LRFN5: variants seen among roughly 807,000 people sequenced by gnomAD.
LRFN5 encodes the protein leucine-rich repeat and fibronectin type-III domain-containing protein 5.
A neutral mutation model predicts 45.6 loss-of-function variants in LRFN5; 24 were observed. The observed-to-expected ratio is 0.53, with a 90% CI of 0.38 to 0.74. The LOEUF (loss-of-function observed/expected upper bound fraction) is 0.74. Ranked by LOEUF, LRFN5 falls within the 30% of genes least tolerant of loss-of-function variation. The probability of loss-of-function intolerance (pLI) is 0.00; values close to 1 mark genes in which losing one functional copy is unlikely to be tolerated. For missense variants in LRFN5, 776 were observed against 861.5 expected (o/e 0.90, Z 1.24); for synonymous variants, 340 against 313.8 (o/e 1.08, Z -0.88).
At chr14:41,854,918 T>C (rs1178942470) in intron 2 of LRFN5, among the ~76,000 whole-genome samples, 1 of 152,208 alleles carries the variant, frequency 6.6e-6, no homozygotes, top group Non-Finnish European at 1.5e-5. Context: ...TATATGTATC[T>C]ATGGCATGAG....
intron 1 of LRFN5, among the ~76,000 whole-genome samples, chr14:41,731,179 A>T (rs1338614385): frequency 6.6e-6 from 1 of 151,746 alleles, no homozygotes; most frequent in Non-Finnish European, 1.5e-5. Flanking sequence ...GGTCTTCGTC[A>T]CTCTATTTTC....
chr14:41,698,153 C>G (rs984272116), intron 1 of LRFN5, among the ~76,000 whole-genome samples: 2 of 151,880 alleles, frequency 1.3e-5, no homozygotes, highest in Non-Finnish European at 2.9e-5. Context: ...CAACAAATTC[C>G]TATAAAAATA....
intron 2 of LRFN5, among the ~76,000 whole-genome samples, chr14:41,807,955 C>A (rs1202477097): frequency 6.6e-6 from 1 of 151,782 alleles, no homozygotes; most frequent in Non-Finnish European, 1.5e-5. Flanking sequence ...CTAGTCCTGA[C>A]CCTCAGTCAA....
intron 2 of LRFN5, among the ~76,000 whole-genome samples, chr14:41,819,030 A>G (rs1014102559): frequency 4.6e-5 from 7 of 152,302 alleles, no homozygotes; most frequent in Middle Eastern, 3.4e-3. Flanking sequence ...TTAAGATAAT[A>G]GCCTCCAGTT....
chr14:41,629,013 A>G (rs1888444104), intron 1 of LRFN5, among the ~76,000 whole-genome samples: 1 of 152,196 alleles, frequency 6.6e-6, no homozygotes, highest in South Asian at 2.1e-4. Flanking sequence ...GGTTAGATTC[A>G]TCACCAGCTG....
chr14:41,728,629 A>G (rs147895603), intron 1 of LRFN5, among the ~76,000 whole-genome samples: 114 of 152,292 alleles, frequency 7.5e-4, no homozygotes, highest in African/African-American at 2.5e-3. Flanking sequence ...CAATTCATCT[A>G]ACTTTCTCTC....
At chr14:41,749,000 G>A (rs80177495) in intron 1 of LRFN5, among the ~76,000 whole-genome samples, 1 of 151,864 alleles carries the variant, frequency 6.6e-6, no homozygotes, top group African/African-American at 2.4e-5. Context: ...ATGATAGAAG[G>A]GCTGAAGGTG....
At chr14:41,674,228 G>T (rs1441405898) in intron 1 of LRFN5, among the ~76,000 whole-genome samples, 5 of 136,398 alleles carry the variant, frequency 3.7e-5, no homozygotes, top group East Asian at 2.4e-4. Flanking sequence ...CCTCCCGGAC[G>T]GGGCGGCTGG....
intron 2 of LRFN5, among the ~76,000 whole-genome samples, chr14:41,861,053 C>T (rs1237753262): frequency 6.6e-6 from 1 of 152,158 alleles, no homozygotes; most frequent in Admixed American, 6.5e-5. Context: ...CTATCTGGAA[C>T]ACTTCTTCAG....
At chr14:41,776,975 T>C (rs1394749665) in intron 2 of LRFN5, among the ~76,000 whole-genome samples, 1 of 152,016 alleles carries the variant, frequency 6.6e-6, no homozygotes, top group South Asian at 2.1e-4. Context: ...ACACATTGAA[T>C]TGGAATTCTA....
intron 2 of LRFN5, among the ~76,000 whole-genome samples, chr14:41,795,608 G>A (rs1357915322): frequency 3.3e-5 from 5 of 152,026 alleles, no homozygotes; most frequent in African/African-American, 7.2e-5. Context: ...AAAAAATGAT[G>A]AGTTCATGTC....
At chr14:41,819,955 A>ATT (rs1201116774) in intron 2 of LRFN5, among the ~76,000 whole-genome samples, 3 of 69,700 alleles carry the variant, frequency 4.3e-5, no homozygotes, top group Admixed American at 1.4e-4. Flanking sequence ...TGATAGGGTT[A>ATT]TTTGTTTTTT....
rs1181380540 is a variant in LRFN5 at position 41,673,837 on chromosome 14, C to T, written c.-197+65275C>T. ...CTCATTCCCGGATGGGGCAGATGGC[C>T]GGGCGGGGGGCTGAACCCCCTACCT... On this transcript the variant is annotated intron_variant, in intron 1 of 5. Transcript: ENST00000298119. Among the ~76,000 whole-genome samples the T allele has an allele frequency of 4.1e-5, 6 of 146,308 alleles. No individual in the cohort carries two copies. The East Asian group carries it at 6.5e-4, about 16-fold the overall frequency.
intron 1 of LRFN5, among the ~76,000 whole-genome samples, chr14:41,731,111 A>G (rs956997877): frequency 5.9e-5 from 9 of 152,158 alleles, no homozygotes; most frequent in African/African-American, 2.2e-4. Flanking sequence ...GACAACAACA[A>G]TAAAAAAGTG....
chr14:41,798,914 T>C (rs1456567233), intron 2 of LRFN5, among the ~76,000 whole-genome samples: 1 of 152,040 alleles, frequency 6.6e-6, no homozygotes, highest in Non-Finnish European at 1.5e-5. Flanking sequence ...AATTTATCTC[T>C]CTGTAATATA....
chr14:41,877,544 G>A (rs931246009), intron 2 of LRFN5, among the ~76,000 whole-genome samples: 2 of 151,650 alleles, frequency 1.3e-5, no homozygotes, highest in African/African-American at 4.9e-5. Flanking sequence ...TATTTGTTTT[G>A]TGTAAGTAAT....
chr14:41,752,691 A>C (rs1885189041), intron 1 of LRFN5, among the ~76,000 whole-genome samples: 2 of 152,154 alleles, frequency 1.3e-5, no homozygotes, highest in South Asian at 4.1e-4. Flanking sequence ...GTATATTGCA[A>C]AAATTTTCTG....
chr14:41,891,580 A>C lies in LRFN5; in HGVS notation c.1716A>C (p.Gln572His). The C allele has an allele frequency of 6.2e-7, 1 of 1,614,188 alleles. No individual in the cohort carries two copies. Among genetic ancestry groups the C allele is most frequent in the South Asian group, 1.1e-5 (1 of 91,084 alleles). The change falls in exon 4 of 6, where the codon CAA becomes CAC. Residue 572 changes from glutamine (Q) to histidine (H), a missense_variant. This residue lies in a region of LRFN5 where 465 missense variants were observed against 456.4 expected (regional missense o/e 1.02). Transcript: ENST00000298119. Reference protein sequence around the residue: ...KVTKVSNVYSQTNGAQIQGCS... With the variant: ...KVTKVSNVYSHTNGAQIQGCS... The stretch of plus-strand genomic sequence containing the variant: ...CCAAGGTTAGCAATGTTTATTCCCA[A>C]ACTAACGGGGCTCAAATACAAGGCT...
At chr14:41,798,952 G>A (rs1431341706) in intron 2 of LRFN5, among the ~76,000 whole-genome samples, 2 of 151,920 alleles carry the variant, frequency 1.3e-5, no homozygotes, top group East Asian at 1.9e-4. Flanking sequence ...GGCTACTCTA[G>A]TTGAGGTTTT....
Sources: allele counts gnomAD v4.1 joint callset (sites outside exome capture counted in the v4.1 genomes callset), GRCh38; gene constraint gnomAD v4.1.1; regional missense constraint gnomAD v4.1.1; transcripts MANE v1.5; gene names NCBI Gene and HGNC (gene_info 2026-07-23, HGNC 2026-07-21).